VAT1L: variants seen among roughly 807,000 people sequenced by gnomAD.
The protein encoded by VAT1L is putative NADPH-dependent quinone oxidoreductase VAT1L.
In VAT1L, 34 loss-of-function variants were observed where a neutral mutation model predicts 44.1. That is an observed-to-expected ratio of 0.77 (90% CI 0.59 to 1.03). VAT1L has a LOEUF of 1.03. VAT1L is among the 50% of genes least tolerant of loss of function. The pLI, the probability that VAT1L is intolerant of heterozygous loss-of-function variation, is 0.00. For missense variants in VAT1L, 615 were observed against 538.8 expected (o/e 1.14, Z -1.40); for synonymous variants, 253 against 202.2 (o/e 1.25, Z -2.13).
At chr16:77,855,098 T>C (rs1044648479) in intron 3 of VAT1L, among the ~76,000 whole-genome samples, 1 of 152,028 alleles carries the variant, frequency 6.6e-6, no homozygotes, top group Non-Finnish European at 1.5e-5. Context: ...TCCCAGCACT[T>C]TGGGAGGCTG....
At chr16:77,871,244 C>T (rs2017029215) in intron 4 of VAT1L, among the ~76,000 whole-genome samples, 1 of 152,092 alleles carries the variant, frequency 6.6e-6, no homozygotes, top group Admixed American at 6.5e-5. Context: ...CACCCTCCAC[C>T]CCACCACTGA....
chr16:77,926,820 G>A (rs1402671949), intron 7 of VAT1L, among the ~76,000 whole-genome samples: 1 of 152,108 alleles, frequency 6.6e-6, no homozygotes, highest in African/African-American at 2.4e-5. Flanking sequence ...TCCGCTTGCA[G>A]TCTCCCTTGG....
chr16:77,864,380 C>T (rs2016948170), intron 4 of VAT1L, among the ~76,000 whole-genome samples: 1 of 152,146 alleles, frequency 6.6e-6, no homozygotes, highest in Non-Finnish European at 1.5e-5. Flanking sequence ...ATCACTTGAG[C>T]CCAGGAGTTT....
At chr16:77,889,905 G>C (rs908842790) in intron 7 of VAT1L, among the ~76,000 whole-genome samples, 3 of 152,006 alleles carry the variant, frequency 2.0e-5, no homozygotes, top group African/African-American at 7.2e-5. Flanking sequence ...CGGCCAACAG[G>C]GTGAAGCCCC....
chr16:77,911,756 G>A (rs1213693288), intron 7 of VAT1L, among the ~76,000 whole-genome samples: 1 of 152,122 alleles, frequency 6.6e-6, no homozygotes, highest in African/African-American at 2.4e-5. Flanking sequence ...GGATGGGGCT[G>A]AGATATGAAG....
At chr16:77,814,935 C>G (rs560432544) in intron 1 of VAT1L, among the ~76,000 whole-genome samples, 1 of 152,200 alleles carries the variant, frequency 6.6e-6, no homozygotes, top group Non-Finnish European at 1.5e-5. Flanking sequence ...TGAATACTGA[C>G]TATGTACGTG....
At position 77,819,475 on chromosome 16, in the gene VAT1L, G is replaced by A. The variant is rs535583988; in HGVS notation, c.363+2425G>A. On this transcript the variant is annotated intron_variant, in intron 2 of 8. Transcript: ENST00000302536. ...CAGCTCACTGCAATCTCTGCCTCCCGGTTTCAAGTGATTCTCCTACCTCAG... is the reference window on the plus strand; with the variant it reads ...CAGCTCACTGCAATCTCTGCCTCCCAGTTTCAAGTGATTCTCCTACCTCAG... 1.1e-4 allele frequency among the ~76,000 whole-genome samples: 17 copies of A among 151,996 alleles called. No individual in the cohort carries two copies. The East Asian group carries it at 2.5e-3, about 22-fold the overall frequency.
chr16:77,854,981 C>G (rs1403309016), intron 3 of VAT1L, among the ~76,000 whole-genome samples: 1 of 152,048 alleles, frequency 6.6e-6, no homozygotes, highest in Non-Finnish European at 1.5e-5. Context: ...AATAACTAGT[C>G]AATGTGATCA....
At chr16:77,854,439 C>G (rs1356217567) in intron 3 of VAT1L, among the ~76,000 whole-genome samples, 2 of 152,202 alleles carry the variant, frequency 1.3e-5, no homozygotes, top group Non-Finnish European at 2.9e-5. Context: ...TGAATTTCCT[C>G]TTCTTACAAC....
intron 4 of VAT1L, among the ~76,000 whole-genome samples, chr16:77,871,631 C>A (rs1043128454): frequency 1.3e-5 from 2 of 152,156 alleles, no homozygotes; most frequent in African/African-American, 4.8e-5. Flanking sequence ...CTGACCCTCA[C>A]TGAGCCTCAT....
intron 4 of VAT1L, among the ~76,000 whole-genome samples, chr16:77,866,957 G>C (rs976304763): frequency 6.6e-6 from 1 of 152,192 alleles, no homozygotes; most frequent in Non-Finnish European, 1.5e-5. Context: ...ATTTCAGTAG[G>C]TGGAGGGGGA....
At chr16:77,971,475 C>A (rs2018277335) in intron 7 of VAT1L, among the ~76,000 whole-genome samples, 1 of 152,136 alleles carries the variant, frequency 6.6e-6, no homozygotes, top group Non-Finnish European at 1.5e-5. Context: ...GTAAGCAGGG[C>A]ACAAATGACC....
intron 7 of VAT1L, among the ~76,000 whole-genome samples, chr16:77,926,572 G>C (rs1471167423): frequency 6.6e-6 from 1 of 152,164 alleles, no homozygotes; most frequent in Admixed American, 6.5e-5. Flanking sequence ...GACAGAGCAA[G>C]ACTCCATCTC....
intron 4 of VAT1L, among the ~76,000 whole-genome samples, chr16:77,865,034 T>C (rs112953516): frequency 0.098 from 14,094 of 143,684 alleles, 749 homozygotes; most frequent in Middle Eastern, 0.16. Flanking sequence ...AGTGCGGTGG[T>C]GCAATCTCGG....
At chr16:77,971,799 T>C (rs374333078) in intron 7 of VAT1L, 51 bp from the exon 8 acceptor site, 14 of 1,574,090 alleles carry the variant, frequency 8.9e-6, no homozygotes, top group Admixed American at 1.8e-5. Context: ...CCTTTTTAAC[T>C]GGGGAACATC....
intron 7 of VAT1L, among the ~76,000 whole-genome samples, chr16:77,947,496 T>C (rs2017983553): frequency 6.6e-6 from 1 of 152,114 alleles, no homozygotes. Flanking sequence ...TTTCTCCCCA[T>C]CCAGGGCCCA....
chr16:77,896,077 G>A (rs1358815808), intron 7 of VAT1L, among the ~76,000 whole-genome samples: 4 of 152,184 alleles, frequency 2.6e-5, no homozygotes, highest in African/African-American at 4.8e-5. Flanking sequence ...CGAATGGAGG[G>A]GAGAGGAAAC....
At chr16:77,876,975 A>G (rs1432044843) in intron 5 of VAT1L, among the ~76,000 whole-genome samples, 2 of 151,906 alleles carry the variant, frequency 1.3e-5, no homozygotes, top group African/African-American at 4.8e-5. Flanking sequence ...GATGGAACAC[A>G]TGTCTGTTCT....
At chr16:77,894,010 A>T (rs978252542) in intron 7 of VAT1L, among the ~76,000 whole-genome samples, 1 of 152,222 alleles carries the variant, frequency 6.6e-6, no homozygotes, top group African/African-American at 2.4e-5. Flanking sequence ...AAATGAGGGA[A>T]TGAAGGCATA....
Sources: gnomAD v4.1 joint callset for allele counts (sites outside exome capture counted in the v4.1 genomes callset) on GRCh38, gnomAD v4.1.1 for gene constraint, MANE v1.5 for transcripts, NCBI Gene and HGNC (gene_info 2026-07-23, HGNC 2026-07-21) for gene names.